Variants in LSAMP observed in about 807,000 individuals in gnomAD.
LSAMP encodes the protein limbic system associated membrane protein.
LSAMP carries 7 observed loss-of-function variants against 38.6 expected under a neutral mutation model. The ratio of observed to expected loss-of-function variants is 0.18; its 90% CI spans 0.10 to 0.34. The LOEUF (loss-of-function observed/expected upper bound fraction) is 0.34, where lower values mean the gene tolerates loss of function less well. LSAMP is among the 10% of genes least tolerant of loss of function. The pLI, the probability that LSAMP is intolerant of heterozygous loss-of-function variation, is 1.00. For missense variants in LSAMP, 313 were observed against 420.0 expected (o/e 0.75, Z 2.23); for synonymous variants, 154 against 166.8 (o/e 0.92, Z 0.59).
intron 1 of LSAMP, among the ~76,000 whole-genome samples, chr3:116,162,738 G>A (rs1709927068): frequency 1.4e-5 from 2 of 144,154 alleles, no homozygotes; most frequent in South Asian, 4.4e-4. Flanking sequence ...GAGTGTGTGT[G>A]TATATATACA....
At chr3:116,023,573 C>A (rs1045404924) in intron 2 of LSAMP, among the ~76,000 whole-genome samples, 2 of 148,564 alleles carry the variant, frequency 1.3e-5, no homozygotes, top group East Asian at 3.9e-4. Context: ...CCAGTGCACT[C>A]CAGCCTGGGT....
intron 1 of LSAMP, among the ~76,000 whole-genome samples, chr3:116,410,466 T>C (rs2048957617): frequency 6.6e-6 from 1 of 150,732 alleles, no homozygotes; most frequent in African/African-American, 2.5e-5. Context: ...GTTTTAAAAA[T>C]CTTTTGTAGG....
chr3:116,187,302 G>C (rs1184593113), intron 1 of LSAMP, among the ~76,000 whole-genome samples: 1 of 152,134 alleles, frequency 6.6e-6, no homozygotes, highest in Non-Finnish European at 1.5e-5. Context: ...ATCCATGTGG[G>C]TATCTTTGAG....
intron 3 of LSAMP, among the ~76,000 whole-genome samples, chr3:115,956,328 T>A (rs973301435): frequency 1.3e-5 from 2 of 150,730 alleles, no homozygotes; most frequent in African/African-American, 4.9e-5. Flanking sequence ...TGTGCATCAC[T>A]TTGACCAAAC....
intron 1 of LSAMP, among the ~76,000 whole-genome samples, chr3:116,209,853 G>A (rs1009098764): frequency 1.2e-4 from 18 of 152,232 alleles, no homozygotes; most frequent in Admixed American, 4.6e-4. Flanking sequence ...CCGGGTTGAC[G>A]CCGTTCTCCT....
chr3:115,819,881 G>A (rs540753491), intron 6 of LSAMP, among the ~76,000 whole-genome samples: 1 of 152,244 alleles, frequency 6.6e-6, no homozygotes, highest in African/African-American at 2.4e-5. Context: ...ATCACCTTCT[G>A]TAGGAGCAGA....
At chr3:116,402,337 G>A (rs755551112) in intron 1 of LSAMP, among the ~76,000 whole-genome samples, 2 of 152,130 alleles carry the variant, frequency 1.3e-5, no homozygotes, top group Non-Finnish European at 2.9e-5. Context: ...CCTGCAAACT[G>A]TTATCTTGTG....
chr3:116,231,452 T>A lies in LSAMP; in HGVS notation c.156-144896A>T, dbSNP rs144975151. Among the ~76,000 whole-genome samples, 720 of 152,290 alleles carry A rather than the reference T, an allele frequency of 4.7e-3. 5 individuals are homozygous for A. The highest frequency in any genetic ancestry group is 0.016 in the African/African-American group (680 of 41,564). ...TTTAAATTAGCACAATGGCTAGGGATCTAAATTTTATAAAGGAGCAGCAAT... is the reference window on the plus strand; with the variant it reads ...TTTAAATTAGCACAATGGCTAGGGAACTAAATTTTATAAAGGAGCAGCAAT... On this transcript the variant is annotated intron_variant, in intron 1 of 6. Coordinates refer to ENST00000490035, the MANE Select transcript of LSAMP (RefSeq NM_002338.5).
At chr3:116,428,282 AC>A (rs1342335553) in intron 1 of LSAMP, among the ~76,000 whole-genome samples, 2 of 152,000 alleles carry the variant, frequency 1.3e-5, no homozygotes, top group East Asian at 3.9e-4. Context: ...ACATGGTGAA[AC>A]CCCGTCTCTA....
Position 116,090,770 on chromosome 3 carries a change from G to A in LSAMP, c.156-4214C>T, listed in dbSNP as rs186866320. Among the ~76,000 whole-genome samples, 3 of 152,204 alleles carry A rather than the reference G, an allele frequency of 2.0e-5. No homozygotes were observed. The East Asian group carries it at 5.8e-4, about 29-fold the overall frequency. ...CAAAAACCAGCAAGTTTTTATTAGGGATTTTCAAAAGGGGAGGGAATGTGT... is the reference window on the plus strand; with the variant it reads ...CAAAAACCAGCAAGTTTTTATTAGGAATTTTCAAAAGGGGAGGGAATGTGT... On this transcript the variant is annotated intron_variant, in intron 1 of 6. Coordinates refer to ENST00000490035, the MANE Select transcript of LSAMP (RefSeq NM_002338.5).
intron 1 of LSAMP, among the ~76,000 whole-genome samples, chr3:116,191,922 A>G (rs1710763362): frequency 6.6e-6 from 1 of 152,150 alleles, no homozygotes; most frequent in African/African-American, 2.4e-5. Flanking sequence ...ACTAACTTGA[A>G]GTGTGATCTC....
intron 1 of LSAMP, among the ~76,000 whole-genome samples, chr3:116,415,884 C>T (rs543813722): frequency 1.2e-4 from 18 of 151,982 alleles, no homozygotes; most frequent in Non-Finnish European, 2.6e-4. Flanking sequence ...AGTTAGGGAT[C>T]GGGGTGAAAG....
chr3:115,980,411 G>A (rs1939323025), intron 3 of LSAMP, among the ~76,000 whole-genome samples: 1 of 151,926 alleles, frequency 6.6e-6, no homozygotes, highest in Non-Finnish European at 1.5e-5. Context: ...CTGTGTAAAA[G>A]GAAAATAAGC....
intron 1 of LSAMP, among the ~76,000 whole-genome samples, chr3:116,433,925 G>T (rs1380991655): frequency 6.6e-6 from 1 of 151,990 alleles, no homozygotes; most frequent in Non-Finnish European, 1.5e-5. Flanking sequence ...GCTTTGTCTA[G>T]GTCCCTATGT....
chr3:116,288,223 A>G (rs1349025746), intron 1 of LSAMP, among the ~76,000 whole-genome samples: 1 of 152,162 alleles, frequency 6.6e-6, no homozygotes, highest in Non-Finnish European at 1.5e-5. Flanking sequence ...CTCTCTTTGG[A>G]GCAGAGGTAA....
At chr3:116,315,516 C>T (rs1053478748) in intron 1 of LSAMP, among the ~76,000 whole-genome samples, 2 of 152,120 alleles carry the variant, frequency 1.3e-5, no homozygotes, top group Non-Finnish European at 2.9e-5. Flanking sequence ...CTGACAAAGA[C>T]CTAGAGAATT....
At chr3:115,967,182 T>C (rs914660017) in intron 3 of LSAMP, among the ~76,000 whole-genome samples, 2 of 152,230 alleles carry the variant, frequency 1.3e-5, no homozygotes, top group African/African-American at 4.8e-5. Context: ...ACCTCTTGAA[T>C]GCTTTGCTGC....
At chr3:116,120,894 T>C (rs1708858998) in intron 1 of LSAMP, among the ~76,000 whole-genome samples, 2 of 152,234 alleles carry the variant, frequency 1.3e-5, no homozygotes, top group Non-Finnish European at 2.9e-5. Flanking sequence ...AGGAGCCATT[T>C]AGATATTCTT....
At chr3:115,823,767 T>C (rs916134782) in intron 6 of LSAMP, among the ~76,000 whole-genome samples, 1 of 152,250 alleles carries the variant, frequency 6.6e-6, no homozygotes, top group East Asian at 1.9e-4. Context: ...GGAGATACCA[T>C]GTAGTAAAGC....
Sources: allele counts gnomAD v4.1 joint callset (sites outside exome capture counted in the v4.1 genomes callset), GRCh38; gene constraint gnomAD v4.1.1; transcripts MANE v1.5; gene names NCBI Gene and HGNC (gene_info 2026-07-23, HGNC 2026-07-21).